Variants in KLF12 observed in about 807,000 individuals in gnomAD.
The protein encoded by KLF12 is Krueppel-like factor 12.
KLF12 carries 9 observed loss-of-function variants against 37.8 expected under a neutral mutation model. The observed-to-expected ratio is 0.24, with a 90% CI of 0.14 to 0.42. The LOEUF (loss-of-function observed/expected upper bound fraction) is 0.42, where lower values mean the gene tolerates loss of function less well. Among genes scored for constraint, KLF12 ranks in the 10% least tolerant of loss-of-function variants. The probability of loss-of-function intolerance (pLI) is 1.00; values close to 1 mark genes in which losing one functional copy is unlikely to be tolerated. For missense variants in KLF12, 411 were observed against 516.0 expected (o/e 0.80, Z 1.97); for synonymous variants, 208 against 202.1 (o/e 1.03, Z -0.25).
the KLF12 span, among the ~76,000 whole-genome samples, chr13:74,265,461 A>T: frequency 6.6e-6 from 1 of 152,244 alleles, no homozygotes; most frequent in Non-Finnish European, 1.5e-5. Context: ...GGAAAAACAG[A>T]GTCATTACTC....
At chr13:74,230,591 C>G in the KLF12 span, among the ~76,000 whole-genome samples, 3 of 152,162 alleles carry the variant, frequency 2.0e-5, no homozygotes, top group Non-Finnish European at 2.9e-5. Flanking sequence ...CTCAGTTCCC[C>G]AACCAAATGG....
chr13:74,003,456 T>TA (rs1250950532), intron 1 of KLF12, among the ~76,000 whole-genome samples: 2 of 152,178 alleles, frequency 1.3e-5, no homozygotes, highest in Admixed American at 6.5e-5. Flanking sequence ...AGCCTGTTGA[T>TA]ATGAAAGGGG....
intron 3 of KLF12, among the ~76,000 whole-genome samples, chr13:73,921,045 C>CACCCATA (rs1250352959): frequency 4.6e-5 from 7 of 152,048 alleles, no homozygotes; most frequent in African/African-American, 7.3e-5. Context: ...GCAGACACCA[C>CACCCATA]ACCCATAACT....
the KLF12 span, among the ~76,000 whole-genome samples, chr13:74,192,899 A>G: frequency 6.6e-6 from 1 of 151,698 alleles, no homozygotes; most frequent in Non-Finnish European, 1.5e-5. Flanking sequence ...CTCTCAAATT[A>G]TTACTAGAGA....
At chr13:74,214,732 T>G in the KLF12 span, among the ~76,000 whole-genome samples, 1 of 152,152 alleles carries the variant, frequency 6.6e-6, no homozygotes, top group Non-Finnish European at 1.5e-5. Flanking sequence ...AGATGAGATG[T>G]GCATTAAAAT....
At chr13:74,082,301 C>T (rs1304824189) in intron 1 of KLF12, among the ~76,000 whole-genome samples, 1 of 152,108 alleles carries the variant, frequency 6.6e-6, no homozygotes, top group Non-Finnish European at 1.5e-5. Flanking sequence ...TCTCTCCAAT[C>T]CACACATATC....
chr13:73,874,272 T>C (rs939830959), intron 3 of KLF12, among the ~76,000 whole-genome samples: 1 of 152,174 alleles, frequency 6.6e-6, no homozygotes, highest in Admixed American at 6.5e-5. Context: ...CAGTTCTACA[T>C]AGGTAAATCA....
At chr13:73,779,666 T>C (rs1880838797) in intron 5 of KLF12, among the ~76,000 whole-genome samples, 1 of 152,250 alleles carries the variant, frequency 6.6e-6, no homozygotes, top group Non-Finnish European at 1.5e-5. Flanking sequence ...TCCCAAGTTC[T>C]AGTTAGACAG....
At chr13:73,786,139 G>T (rs1253490779) in intron 5 of KLF12, among the ~76,000 whole-genome samples, 3 of 152,174 alleles carry the variant, frequency 2.0e-5, no homozygotes, top group Non-Finnish European at 4.4e-5. Flanking sequence ...GCTGGGGAGA[G>T]ATTCTGGCAT....
chr13:74,030,634 T>A (rs1893090204), intron 1 of KLF12, among the ~76,000 whole-genome samples: 1 of 152,132 alleles, frequency 6.6e-6, no homozygotes, highest in Non-Finnish European at 1.5e-5. Context: ...CAGATAATAT[T>A]TAAGCCAATT....
At chr13:73,753,948 C>G (rs1029391328) in intron 6 of KLF12, among the ~76,000 whole-genome samples, 2 of 152,028 alleles carry the variant, frequency 1.3e-5, no homozygotes, top group Non-Finnish European at 2.9e-5. Context: ...TTTTGGAGCC[C>G]TTTTCTCCTT....
chr13:74,212,846 A>C, the KLF12 span, among the ~76,000 whole-genome samples: 3 of 152,200 alleles, frequency 2.0e-5, no homozygotes, highest in Non-Finnish European at 4.4e-5. Flanking sequence ...AACATAAATT[A>C]TGTGTTTAAA....
chr13:73,946,319 GTGC>G, intron 2 of KLF12, among the ~76,000 whole-genome samples: 1 of 152,300 alleles, frequency 6.6e-6, no homozygotes, highest in Admixed American at 6.5e-5. Flanking sequence ...GTCCCTTTTA[GTGC>G]TTTGTACCAA....
At chr13:74,220,555 T>A in the KLF12 span, among the ~76,000 whole-genome samples, 1 of 152,212 alleles carries the variant, frequency 6.6e-6, no homozygotes, top group Non-Finnish European at 1.5e-5. Context: ...TCTACTCTTT[T>A]TAGTTATTTT....
At chr13:74,120,558 AC>A (rs1409062059) in intron 1 of KLF12, among the ~76,000 whole-genome samples, 1 of 152,042 alleles carries the variant, frequency 6.6e-6, no homozygotes, top group East Asian at 1.9e-4. Context: ...CTATATAAAA[AC>A]ATATCTACAT....
At chr13:73,999,699 C>T (rs980204155) in intron 1 of KLF12, among the ~76,000 whole-genome samples, 10 of 152,250 alleles carry the variant, frequency 6.6e-5, no homozygotes, top group African/African-American at 2.2e-4. Flanking sequence ...GAGATCGCTC[C>T]GCTACACTCC....
chr13:73,793,650 T>C (rs1427194618), intron 5 of KLF12, among the ~76,000 whole-genome samples: 1 of 152,202 alleles, frequency 6.6e-6, no homozygotes, highest in Non-Finnish European at 1.5e-5. Flanking sequence ...TGATACTTTT[T>C]ATTGTGCCTC....
At chr13:73,724,064 C>A (rs1876479176) in intron 6 of KLF12, among the ~76,000 whole-genome samples, 3 of 152,142 alleles carry the variant, frequency 2.0e-5, no homozygotes, top group Admixed American at 6.5e-5. Flanking sequence ...GATTATAAAT[C>A]ATTCTACTAT....
chr13:73,691,683 C>T lies in KLF12; in HGVS notation c.*3807G>A, dbSNP rs1467080427. 6.6e-6 allele frequency: 1 copy of T among 152,602 alleles called. No homozygotes were observed. The highest frequency in any genetic ancestry group is 2.4e-5 in the African/African-American group (1 of 41,422). 9.5% of individuals were successfully genotyped at this position (152,602 alleles called of 1,614,324 possible). ...GTATTAATACATTTTGAAGGCCTCA[C>T]CTCACCAGATTTATTCAGTTGCAGC... On this transcript the variant is annotated 3_prime_UTR_variant, in exon 8 of 8. Coordinates refer to ENST00000377669, the MANE Select transcript of KLF12 (RefSeq NM_007249.5).
Sources: gnomAD v4.1 joint callset for allele counts (sites outside exome capture counted in the v4.1 genomes callset) on GRCh38, gnomAD v4.1.1 for gene constraint, MANE v1.5 for transcripts, NCBI Gene and HGNC (gene_info 2026-07-23, HGNC 2026-07-21) for gene names.